The following CNTN4 variants were observed in gnomAD, a reference collection of about 807,000 sequenced individuals.
CNTN4 encodes contactin 4.
In CNTN4, 77 loss-of-function variants were observed where a neutral mutation model predicts 122.5. The ratio of observed to expected loss-of-function variants is 0.63; its 90% CI spans 0.52 to 0.76. CNTN4 has a LOEUF of 0.76. Among genes scored for constraint, CNTN4 ranks in the 30% least tolerant of loss-of-function variants. The pLI is 0.00. For synonymous variants in CNTN4, 512 were observed against 447.0 expected, an observed-to-expected ratio of 1.15 and a Z score of -1.83; for missense variants, 1,256 against 1,259.1, an observed-to-expected ratio of 1.00 and a Z score of 0.04.
At chr3:2,694,702 C>G (rs2149215595) in intron 4 of CNTN4, among the ~76,000 whole-genome samples, 1 of 152,290 alleles carries the variant, frequency 6.6e-6, no homozygotes, top group East Asian at 1.9e-4. Context: ...GCACTCCAGC[C>G]TGGGCAACAG....
chr3:2,103,453 A>G (rs1357137336), intron 2 of CNTN4, among the ~76,000 whole-genome samples: 1 of 152,198 alleles, frequency 6.6e-6, no homozygotes, highest in African/African-American at 2.4e-5. Flanking sequence ...TGTGATAAAC[A>G]CATTTTCAGG....
At chr3:2,310,023 C>T (rs1043330579) in intron 2 of CNTN4, among the ~76,000 whole-genome samples, 1 of 152,050 alleles carries the variant, frequency 6.6e-6, no homozygotes, top group Admixed American at 6.6e-5. Context: ...CTTTTTATAT[C>T]AACTTATTTT....
intron 2 of CNTN4, among the ~76,000 whole-genome samples, chr3:2,247,000 G>A (rs958943891): frequency 1.3e-5 from 2 of 152,036 alleles, no homozygotes; most frequent in Non-Finnish European, 2.9e-5. Context: ...AGCAACTGGA[G>A]GAGGTTGGTT....
intron 2 of CNTN4, among the ~76,000 whole-genome samples, chr3:2,252,105 T>G (rs984022431): frequency 6.6e-6 from 1 of 152,014 alleles, no homozygotes; most frequent in African/African-American, 2.4e-5. Context: ...AATCAGGATA[T>G]TGCCAGATAC....
chr3:2,212,751 A>C (rs930018367), intron 2 of CNTN4, among the ~76,000 whole-genome samples: 7 of 152,208 alleles, frequency 4.6e-5, no homozygotes, highest in African/African-American at 1.4e-4. Flanking sequence ...GAATTGACTG[A>C]GGACTTTAAA....
At chr3:2,106,692 T>C (rs1344658543) in intron 2 of CNTN4, among the ~76,000 whole-genome samples, 1 of 152,240 alleles carries the variant, frequency 6.6e-6, no homozygotes, top group Non-Finnish European at 1.5e-5. Context: ...CCAAGATCTC[T>C]GTCATGCCCT....
intron 2 of CNTN4, among the ~76,000 whole-genome samples, chr3:2,228,492 C>G (rs1207632497): frequency 1.3e-5 from 2 of 151,970 alleles, no homozygotes; most frequent in African/African-American, 2.4e-5. Flanking sequence ...TCATCTGGCC[C>G]TTTGTGAACA....
intron 3 of CNTN4, among the ~76,000 whole-genome samples, chr3:2,507,944 G>C (rs2076781050): frequency 6.6e-6 from 1 of 152,010 alleles, no homozygotes; most frequent in Admixed American, 6.6e-5. Context: ...TGAGCAGTTA[G>C]TGGTAGATGA....
chr3:2,285,382 C>T (rs141957078), intron 2 of CNTN4, among the ~76,000 whole-genome samples: 1 of 152,092 alleles, frequency 6.6e-6, no homozygotes, highest in East Asian at 1.9e-4. Flanking sequence ...ATTATTCAGC[C>T]ACAACATAAT....
chr3:2,939,377 G>T (rs936065356), intron 13 of CNTN4, among the ~76,000 whole-genome samples: 1 of 151,898 alleles, frequency 6.6e-6, no homozygotes, highest in Admixed American at 6.6e-5. Context: ...GGGTGTGTGT[G>T]GGGGGGTATG....
intron 2 of CNTN4, among the ~76,000 whole-genome samples, chr3:2,168,488 T>G (rs1471194364): frequency 6.6e-6 from 1 of 152,122 alleles, no homozygotes; most frequent in African/African-American, 2.4e-5. Context: ...TGTAAATGCA[T>G]CATTCTTAAA....
At chr3:2,383,993 A>G (rs191640613) in intron 3 of CNTN4, among the ~76,000 whole-genome samples, 51 of 152,264 alleles carry the variant, frequency 3.3e-4, no homozygotes, top group African/African-American at 1.0e-3. Flanking sequence ...TGACTGTAAT[A>G]ACTATAATTA....
chr3:2,296,155 A>G (rs9811618), intron 2 of CNTN4, among the ~76,000 whole-genome samples: 1 of 151,820 alleles, frequency 6.6e-6, no homozygotes, highest in African/African-American at 2.4e-5. Context: ...TGACTTGGCG[A>G]TGCGGGCTCT....
At chr3:2,289,362 T>C (rs933853027) in intron 2 of CNTN4, among the ~76,000 whole-genome samples, 2 of 152,164 alleles carry the variant, frequency 1.3e-5, no homozygotes, top group Non-Finnish European at 2.9e-5. Flanking sequence ...CCTAGGAAGA[T>C]TTCAAAACTT....
At chr3:2,232,293 C>A (rs1372886636) in intron 2 of CNTN4, among the ~76,000 whole-genome samples, 1 of 151,964 alleles carries the variant, frequency 6.6e-6, no homozygotes, top group Non-Finnish European at 1.5e-5. Context: ...TTTACAGGGC[C>A]ATGTAAAACA....
chr3:3,001,328 A>C (rs933930308), intron 14 of CNTN4, among the ~76,000 whole-genome samples: 11 of 152,232 alleles, frequency 7.2e-5, no homozygotes, highest in Admixed American at 2.0e-4. Context: ...TTCCAGGAGA[A>C]AGAATGGCAC....
intron 2 of CNTN4, among the ~76,000 whole-genome samples, chr3:2,311,941 G>T (rs1388683177): frequency 6.6e-6 from 1 of 152,042 alleles, no homozygotes; most frequent in Non-Finnish European, 1.5e-5. Context: ...GGATTCTTAA[G>T]GATGTGTATC....
intron 2 of CNTN4, among the ~76,000 whole-genome samples, chr3:2,177,870 C>T (rs1245307230): frequency 6.6e-6 from 1 of 152,034 alleles, no homozygotes; most frequent in Non-Finnish European, 1.5e-5. Flanking sequence ...CAACTGGGCC[C>T]CAGAGCCTAG....
At chr3:2,426,726 T>G (rs2047851228) in intron 3 of CNTN4, among the ~76,000 whole-genome samples, 1 of 152,224 alleles carries the variant, frequency 6.6e-6, no homozygotes, top group Non-Finnish European at 1.5e-5. Context: ...GGTAGGCTCT[T>G]AATTATTGCC....
Sources: gnomAD v4.1 joint callset for allele counts (sites outside exome capture counted in the v4.1 genomes callset) on GRCh38, gnomAD v4.1.1 for gene constraint, MANE v1.5 for transcripts, NCBI Gene and HGNC (gene_info 2026-07-23, HGNC 2026-07-21) for gene names.